The following FSTL5 variants were observed in gnomAD, a reference collection of about 807,000 sequenced individuals.
FSTL5 encodes the protein follistatin-related protein 5.
A neutral mutation model predicts 89.1 loss-of-function variants in FSTL5; 62 were observed. The observed-to-expected ratio is 0.70, with a 90% CI of 0.57 to 0.86. FSTL5 has a LOEUF of 0.86. Among genes scored for constraint, FSTL5 ranks in the 40% least tolerant of loss-of-function variants. The pLI is 0.00. For missense variants in FSTL5, 1,057 were observed against 1,001.6 expected (o/e 1.06, Z -0.75); for synonymous variants, 383 against 346.2 (o/e 1.11, Z -1.18).
At position 161,617,331 on chromosome 4, in the gene FSTL5, A is replaced by T. The variant is rs553686211; in HGVS notation, c.895-29756T>A. 5.9e-5 allele frequency among the ~76,000 whole-genome samples: 9 copies of T among 152,226 alleles called. No homozygotes were observed. In the South Asian group the frequency reaches 1.7e-3, roughly 28 times the overall value. ...ACAAATAGAAATTATGCCACAAATA[A>T]ATTATTCTTACAAAGAGAAAAAGTA... On this transcript the variant is annotated intron_variant, in intron 7 of 15. Transcript: ENST00000306100.
chr4:161,961,526 T>A (rs403136), intron 3 of FSTL5, among the ~76,000 whole-genome samples: 3 of 248 alleles, frequency 0.012, no homozygotes, highest in African/African-American at 0.013. Context: ...TCTAGAAAAA[T>A]ATATATATAT....
At chr4:162,050,223 A>C (rs1400449384) in intron 2 of FSTL5, among the ~76,000 whole-genome samples, 1 of 151,670 alleles carries the variant, frequency 6.6e-6, no homozygotes, top group African/African-American at 2.4e-5. Flanking sequence ...TAAATTCACA[A>C]ATACTTGCAT....
intron 7 of FSTL5, among the ~76,000 whole-genome samples, chr4:161,638,023 G>C (rs1361142156): frequency 1.3e-5 from 2 of 151,968 alleles, no homozygotes; most frequent in Non-Finnish European, 2.9e-5. Context: ...AGCTTTATGG[G>C]GATGGCATTG....
chr4:161,700,054 G>C (rs906370132), intron 6 of FSTL5, among the ~76,000 whole-genome samples: 1 of 152,094 alleles, frequency 6.6e-6, no homozygotes, highest in Non-Finnish European at 1.5e-5. Flanking sequence ...CATAAACATT[G>C]ACAACATAGT....
chr4:161,566,135 T>TATACAC (rs1267325201), intron 8 of FSTL5, among the ~76,000 whole-genome samples: 58 of 55,144 alleles, frequency 1.1e-3, no homozygotes, highest in African/African-American at 3.0e-3. Flanking sequence ...TATATATATA[T>TATACAC]ACACACACAC....
chr4:161,589,584 C>T (rs961018298), intron 7 of FSTL5, among the ~76,000 whole-genome samples: 1 of 152,102 alleles, frequency 6.6e-6, no homozygotes, highest in Non-Finnish European at 1.5e-5. Context: ...ACCCAAGGTG[C>T]TGGGATTACA....
intron 3 of FSTL5, among the ~76,000 whole-genome samples, chr4:161,950,370 C>T (rs2110950358): frequency 6.6e-6 from 1 of 152,204 alleles, no homozygotes; most frequent in African/African-American, 2.4e-5. Context: ...TTTTTCTGTT[C>T]TGCTGTCCTG....
intron 10 of FSTL5, among the ~76,000 whole-genome samples, chr4:161,517,400 C>A (rs1730879046): frequency 6.6e-6 from 1 of 152,084 alleles, no homozygotes; most frequent in Non-Finnish European, 1.5e-5. Context: ...CACTACATAA[C>A]TGAAATGTAA....
intron 5 of FSTL5, among the ~76,000 whole-genome samples, chr4:161,765,235 T>C (rs1391279975): frequency 6.6e-6 from 1 of 152,192 alleles, no homozygotes; most frequent in Admixed American, 6.5e-5. Context: ...TGGACAAACA[T>C]CATTATGCTT....
intron 3 of FSTL5, among the ~76,000 whole-genome samples, chr4:161,948,485 C>T (rs374829237): frequency 3.0e-4 from 34 of 114,086 alleles, no homozygotes; most frequent in Admixed American, 4.4e-4. Context: ...TCTTTTCTTT[C>T]TTTTTTTTTT....
chr4:161,569,758 AACACACAC>A (rs56387876), intron 8 of FSTL5, among the ~76,000 whole-genome samples: 38,979 of 134,150 alleles, frequency 0.29, 5,187 homozygotes, highest in Non-Finnish European at 0.35. Context: ...CCAACACACA[AACACACAC>A]ACACACACAC....
Position 161,538,271 on chromosome 4 carries a change from C to T in FSTL5, c.1207G>A (p.Val403Met). 2 of 1,614,008 alleles carry T rather than the reference C, an allele frequency of 1.2e-6. No homozygotes were observed. The highest frequency in any genetic ancestry group is 1.7e-6 in the Non-Finnish European group (2 of 1,179,918). Reference sequence around the variant, plus strand: ...TATGCTCCAGTATCTTCATAGCGCACATTGCTTATGTGAACCTCACTGCCA... The same window carrying T: ...TATGCTCCAGTATCTTCATAGCGCATATTGCTTATGTGAACCTCACTGCCA... ...ANGSEVHISN[V>M]RYEDTGAYTC... The change falls in exon 10 of 16, where the codon GTG (valine) becomes ATG (methionine). Residue 403 changes from valine (V) to methionine (M), a missense_variant. By Grantham distance (21) the Val-to-Met change is conservative (BLOSUM62 1). Coordinates refer to ENST00000306100, the MANE Select transcript of FSTL5 (RefSeq NM_020116.5).
At chr4:161,814,786 T>C (rs536713555) in intron 4 of FSTL5, among the ~76,000 whole-genome samples, 1 of 152,248 alleles carries the variant, frequency 6.6e-6, no homozygotes, top group South Asian at 2.1e-4. Context: ...ATATATACTC[T>C]ATACTTTATC....
intron 4 of FSTL5, among the ~76,000 whole-genome samples, chr4:161,793,059 T>G (rs903254203): frequency 6.6e-6 from 1 of 152,194 alleles, no homozygotes; most frequent in Admixed American, 6.5e-5. Context: ...ATTTCCCTCA[T>G]CCATATGCAG....
At chr4:161,823,897 A>G (rs1730579942) in intron 4 of FSTL5, among the ~76,000 whole-genome samples, 1 of 152,182 alleles carries the variant, frequency 6.6e-6, no homozygotes, top group Non-Finnish European at 1.5e-5. Context: ...AATTCCTTGT[A>G]GATTCTGGAT....
At chr4:161,747,504 A>C (rs1282496231) in intron 6 of FSTL5, among the ~76,000 whole-genome samples, 4 of 152,228 alleles carry the variant, frequency 2.6e-5, no homozygotes, top group African/African-American at 9.6e-5. Context: ...AAAGAGGGTA[A>C]TCTTGCAAAG....
At chr4:161,917,240 G>A (rs1733867160) in intron 4 of FSTL5, among the ~76,000 whole-genome samples, 1 of 152,172 alleles carries the variant, frequency 6.6e-6, no homozygotes, top group East Asian at 1.9e-4. Context: ...GCAGGCATGA[G>A]CCACCGCGCC....
At chr4:162,066,401 T>G (rs893202183) in intron 2 of FSTL5, among the ~76,000 whole-genome samples, 2 of 132,088 alleles carry the variant, frequency 1.5e-5, no homozygotes, top group Non-Finnish European at 3.4e-5. Context: ...TTTTCCTTTT[T>G]TTTTTCAGTT....
intron 3 of FSTL5, among the ~76,000 whole-genome samples, chr4:161,920,968 T>C (rs1428661245): frequency 6.6e-6 from 1 of 152,148 alleles, no homozygotes; most frequent in Non-Finnish European, 1.5e-5. Flanking sequence ...GACCACTTAC[T>C]AGCTTTATGT....
Sources: allele counts gnomAD v4.1 joint callset (sites outside exome capture counted in the v4.1 genomes callset), GRCh38; gene constraint gnomAD v4.1.1; transcripts MANE v1.5; gene names NCBI Gene and HGNC (gene_info 2026-07-23, HGNC 2026-07-21).